Variants in TUBGCP4 observed in about 807,000 individuals in gnomAD.
The protein encoded by TUBGCP4 is tubulin gamma complex component 4.
In TUBGCP4, 54 loss-of-function variants were observed where a neutral mutation model predicts 91.6. The ratio of observed to expected loss-of-function variants is 0.59; its 90% CI spans 0.47 to 0.74. TUBGCP4 has a LOEUF of 0.74. Ranked by LOEUF, TUBGCP4 falls within the 30% of genes least tolerant of loss-of-function variation. TUBGCP4 has a pLI of 0.00. For missense variants in TUBGCP4, 593 were observed against 800.9 expected (o/e 0.74, Z 3.13); for synonymous variants, 297 against 302.8 (o/e 0.98, Z 0.20).
At chr15:43,374,665 G>T (rs574978298) in intron 1 of TUBGCP4, among the ~76,000 whole-genome samples, 88 of 152,208 alleles carry the variant, frequency 5.8e-4, no homozygotes, top group Non-Finnish European at 1.1e-3. Flanking sequence ...TTCTACTTCA[G>T]GGTATATCCC....
chr15:43,386,346 T>G lies in TUBGCP4; in HGVS notation c.1014+16T>G, dbSNP rs760086220. On this transcript the variant is annotated intron_variant, in intron 9 of 17. Coordinates refer to ENST00000564079, the MANE Select transcript of TUBGCP4 (RefSeq NM_014444.5). ...TGTGGCTGAGGTTTGTGTTTCATCG[T>G]ATATATATATATATATATATATATA... 1 of 32,742 alleles carries G rather than the reference T, an allele frequency of 3.1e-5. No individual in the cohort carries two copies. The highest frequency in any genetic ancestry group is 9.2e-4 in the East Asian group (1 of 1,086). 2.0% of individuals were successfully genotyped at this position (32,742 alleles called of 1,614,324 possible). A position where few individuals can be genotyped will look rare whatever the true frequency, so the allele number is the denominator to read the frequency against.
At chr15:43,383,560 A>T in intron 7 of TUBGCP4, 56 bp downstream of exon 7, 3 of 1,468,142 alleles carry the variant, frequency 2.0e-6, no homozygotes, top group Non-Finnish European at 2.7e-6. Flanking sequence ...AAAAGCATGC[A>T]CACAAATGAT....
At chr15:43,384,573 A>G (rs1018073553) in intron 7 of TUBGCP4, among the ~76,000 whole-genome samples, 2 of 152,250 alleles carry the variant, frequency 1.3e-5, no homozygotes, top group African/African-American at 4.8e-5. Context: ...ATGATCAAAT[A>G]AAGGCTGAAG....
At position 43,405,244 on chromosome 15, in the gene TUBGCP4, G is replaced by T; in HGVS notation, c.*30G>T. 1 of 1,613,182 alleles carries T rather than the reference G, an allele frequency of 6.2e-7. No individual in the cohort carries two copies. Among genetic ancestry groups the T allele is most frequent in the African/African-American group, 1.3e-5 (1 of 75,000 alleles). On this transcript the variant is annotated 3_prime_UTR_variant, in exon 18 of 18. Coordinates refer to ENST00000564079, the MANE Select transcript of TUBGCP4 (RefSeq NM_014444.5). ...TTCTGGCTCATAAATTGAAATAACA[G>T]CCACGTTCCCAAGGTTGTAACAGAA...
intron 9 of TUBGCP4, among the ~76,000 whole-genome samples, chr15:43,388,239 C>T (rs1436836814): frequency 6.6e-6 from 1 of 152,202 alleles, no homozygotes; most frequent in Non-Finnish European, 1.5e-5. Flanking sequence ...AAGCAGTGCA[C>T]TTCGTTCAGT....
chr15:43,392,218 A>G (rs955092525), intron 9 of TUBGCP4, among the ~76,000 whole-genome samples: 5 of 150,536 alleles, frequency 3.3e-5, no homozygotes, highest in African/African-American at 1.2e-4. Context: ...TCCCAGGTTG[A>G]AAGCTTGACT....
In TUBGCP4 at chr15:43,398,128, A is replaced by G. The variant is rs916462588; in HGVS notation, c.1367A>G (p.Tyr456Cys). Residue 456 changes from tyrosine to cysteine, a missense_variant, in exon 13 of 18, where the codon TAC becomes TGC. Coordinates refer to ENST00000564079, the MANE Select transcript of TUBGCP4 (RefSeq NM_014444.5). ...ASGWAALGLS[Y>C]KVQWPLHILF... ...GGCTGGGCAGCCCTAGGTCTTTCCT[A>G]CAAAGTACAGTGGCCACTACATATT... 1.2e-6 allele frequency: 2 copies of G among 1,613,988 alleles called. No homozygotes were observed. Among genetic ancestry groups the G allele is most frequent in the African/African-American group, 2.7e-5 (2 of 74,908 alleles).
At chr15:43,394,837 C>G in intron 9 of TUBGCP4, 1 of 454,782 alleles carries the variant, frequency 2.2e-6, no homozygotes, top group Non-Finnish European at 4.0e-6. Flanking sequence ...TGAGGCCTCC[C>G]TAGAAGCCAA....
intron 14 of TUBGCP4, 56 bp downstream of exon 14, chr15:43,400,277 G>A (rs2044651526): frequency 1.3e-6 from 2 of 1,527,860 alleles, no homozygotes; most frequent in African/African-American, 2.7e-5. Context: ...CTAGGAGGTT[G>A]GCAGGGAGTA....
chr15:43,406,993 C>T lies in TUBGCP4; in HGVS notation c.*1779C>T. 1 of 235,690 alleles carries T rather than the reference C, an allele frequency of 4.2e-6. No individual in the cohort carries two copies. 14.6% of individuals were successfully genotyped at this position (235,690 alleles called of 1,614,324 possible). On this transcript the variant is annotated 3_prime_UTR_variant, in exon 18 of 18. Transcript: ENST00000564079. ...TGGCACAACTGTTAATCTGGGCCTT[C>T]ACCTACCTTAAACTGAGTTTCTGCA...
Position 43,385,370 on chromosome 15 carries a change from A to T in TUBGCP4, c.724-421A>T, listed in dbSNP as rs141604390. The T allele has an allele frequency of 7.9e-4, 361 of 456,720 alleles. 4 individuals carry two copies. Among genetic ancestry groups the T allele is most frequent in the Admixed American group, 6.2e-3 (263 of 42,592 alleles). 28.3% of individuals were successfully genotyped at this position (456,720 alleles called of 1,614,324 possible). On this transcript the variant is annotated intron_variant, in intron 7 of 17. Transcript: ENST00000564079. ...AAACTATCTGTTACACTGATCAGTCACAGAAGACGATGTGATTGTATAGGA... is the reference window on the plus strand; with the variant it reads ...AAACTATCTGTTACACTGATCAGTCTCAGAAGACGATGTGATTGTATAGGA...
rs187289083 is a variant in TUBGCP4, at chr15:43,386,150, C to T, written c.890-56C>T. On this transcript the variant is annotated intron_variant, in intron 8 of 17. Coordinates refer to ENST00000564079, the MANE Select transcript of TUBGCP4 (RefSeq NM_014444.5). ...CTGAGATTAGCCCTCCCCAGAAAAC[C>T]CTAACTGTCCTGGGTATTCTCCGTC... 32 of 1,557,552 alleles carry T rather than the reference C, an allele frequency of 2.1e-5. No homozygotes were observed. In the East Asian group the frequency reaches 7.2e-4, roughly 35 times the overall value.
chr15:43,382,582 A>AT (rs1414056985), intron 6 of TUBGCP4, among the ~76,000 whole-genome samples: 1 of 152,184 alleles, frequency 6.6e-6, no homozygotes, highest in Non-Finnish European at 1.5e-5. Context: ...CAGATTAAAC[A>AT]TTTTTTGGCA....
chr15:43,407,497 T>C lies in TUBGCP4; in HGVS notation c.*2283T>C. On this transcript the variant is annotated 3_prime_UTR_variant, in exon 18 of 18. Transcript: ENST00000564079. ...GTGACACCACAGGCAGCTGCAATGC[T>C]TCAGCACACTTCAGCACCGAGGCTG... 1 of 1,614,210 alleles carries C rather than the reference T, an allele frequency of 6.2e-7. No individual in the cohort carries two copies. Among genetic ancestry groups the C allele is most frequent in the Non-Finnish European group, 8.5e-7 (1 of 1,180,044 alleles).
At chr15:43,386,840 C>T (rs1017124037) in intron 9 of TUBGCP4, among the ~76,000 whole-genome samples, 7 of 151,190 alleles carry the variant, frequency 4.6e-5, no homozygotes, top group African/African-American at 1.7e-4. Context: ...GAGTTGAAGG[C>T]AGAAAGTAGA....
intron 15 of TUBGCP4, 87 bp from the exon 16 acceptor site, chr15:43,403,596 G>C: frequency 5.1e-6 from 5 of 973,728 alleles, no homozygotes; most frequent in Non-Finnish European, 8.0e-6. Flanking sequence ...AATTAGATCA[G>C]CTATTAATCA....
chr15:43,379,640 C>CA (rs1166566829), intron 5 of TUBGCP4, among the ~76,000 whole-genome samples: 667 of 61,472 alleles, frequency 0.011, 6 homozygotes, highest in Non-Finnish European at 0.019. Context: ...GACTCCGTCT[C>CA]AAAAAAAAAA....
Position 43,407,056 on chromosome 15 carries a change from G to T in TUBGCP4, c.*1842G>T. On this transcript the variant is annotated 3_prime_UTR_variant, in exon 18 of 18. Coordinates refer to ENST00000564079, the MANE Select transcript of TUBGCP4 (RefSeq NM_014444.5). Reference sequence around the variant, plus strand: ...TAGACACCCTGGAATAACCTTTTGGGAATGATGCCACAGAATAAAGTTCAC... The same window carrying T: ...TAGACACCCTGGAATAACCTTTTGGTAATGATGCCACAGAATAAAGTTCAC... 1 of 259,956 alleles carries T rather than the reference G, an allele frequency of 3.8e-6. No individual in the cohort carries two copies. Among genetic ancestry groups the T allele is most frequent in the Non-Finnish European group, 7.5e-6 (1 of 133,930 alleles). The allele number at this position is 259,956 out of a possible 1,614,324, so 16.1% of individuals were successfully genotyped here. A position where few individuals can be genotyped will look rare whatever the true frequency, so the allele number is the denominator to read the frequency against.
At chr15:43,371,512 G>A in intron 1 of TUBGCP4, 80 bp downstream of exon 1, 1 of 1,442,048 alleles carries the variant, frequency 6.9e-7, no homozygotes, top group African/African-American at 1.4e-5. Context: ...GTAGGCTGAG[G>A]GACCTAGCGA....
Sources: allele counts gnomAD v4.1 joint callset (sites outside exome capture counted in the v4.1 genomes callset), GRCh38; gene constraint gnomAD v4.1.1; transcripts MANE v1.5; gene names NCBI Gene and HGNC (gene_info 2026-07-23, HGNC 2026-07-21).